TMEM132B: variants seen among roughly 807,000 people sequenced by gnomAD.
The protein encoded by TMEM132B is transmembrane protein 132B.
TMEM132B carries 18 observed loss-of-function variants against 90.8 expected under a neutral mutation model. The ratio of observed to expected loss-of-function variants is 0.20; its 90% CI spans 0.14 to 0.29. The LOEUF (loss-of-function observed/expected upper bound fraction) is 0.29. Among genes scored for constraint, TMEM132B ranks in the 10% least tolerant of loss-of-function variants. The probability of loss-of-function intolerance (pLI) is 1.00; values close to 1 mark genes in which losing one functional copy is unlikely to be tolerated. For synonymous variants in TMEM132B, 504 were observed against 523.3 expected (o/e 0.96, Z 0.50); for missense variants, 1,096 against 1,326.8 (o/e 0.83, Z 2.70).
chr12:125,191,109 G>GGAT (rs1555231034), intron 1 of TMEM132B, among the ~76,000 whole-genome samples: 2 of 50,484 alleles, frequency 4.0e-5, no homozygotes, highest in Admixed American at 4.6e-4. Context: ...GATGGGGAAG[G>GGAT]GGTGGTGGTG....
intron 2 of TMEM132B, among the ~76,000 whole-genome samples, chr12:125,373,187 G>T (rs1341890511): frequency 6.6e-6 from 1 of 152,178 alleles, no homozygotes; most frequent in Non-Finnish European, 1.5e-5. Flanking sequence ...ACTATATGTG[G>T]CATGTAGCTG....
intron 3 of TMEM132B, among the ~76,000 whole-genome samples, chr12:125,495,852 A>G (rs1245901502): frequency 6.6e-6 from 1 of 152,250 alleles, no homozygotes; most frequent in East Asian, 1.9e-4. Flanking sequence ...CTGGTAGGAC[A>G]TTGAGCATTC....
intron 1 of TMEM132B, among the ~76,000 whole-genome samples, chr12:125,280,740 A>G (rs186129692): frequency 2.0e-5 from 3 of 152,350 alleles, no homozygotes; most frequent in Admixed American, 2.0e-4. Flanking sequence ...GTGCGTCCTC[A>G]GGGCAGATAG....
intron 3 of TMEM132B, among the ~76,000 whole-genome samples, chr12:125,420,765 C>T (rs1880145542): frequency 1.3e-5 from 2 of 152,170 alleles, no homozygotes; most frequent in Admixed American, 6.5e-5. Flanking sequence ...TTCTGTTCAG[C>T]TTCCCTTTTA....
intron 1 of TMEM132B, among the ~76,000 whole-genome samples, chr12:125,268,859 T>C (rs545985864): frequency 3.9e-5 from 6 of 152,216 alleles, no homozygotes; most frequent in Non-Finnish European, 7.3e-5. Context: ...TTCCCAGGCA[T>C]CACACAGCAG....
chr12:125,330,062 C>T (rs568611276), intron 1 of TMEM132B, among the ~76,000 whole-genome samples: 3 of 152,220 alleles, frequency 2.0e-5, no homozygotes, highest in South Asian at 2.1e-4. Flanking sequence ...ATCTGTGTCA[C>T]GCTGGACTGA....
chr12:125,588,193 T>C (rs1885226268), intron 5 of TMEM132B: 1 of 152,254 alleles, frequency 6.6e-6, no homozygotes, highest in South Asian at 2.1e-4. Context: ...CCGTTTGACC[T>C]TGGGCAAATT....
At chr12:125,201,883 G>A (rs73410480) in intron 1 of TMEM132B, among the ~76,000 whole-genome samples, 3,411 of 152,298 alleles carry the variant, frequency 0.022, 123 homozygotes, top group African/African-American at 0.076. Flanking sequence ...CCTGGTGGTC[G>A]TCTCTGTGGT....
intron 4 of TMEM132B, among the ~76,000 whole-genome samples, chr12:125,526,068 C>G (rs1415711342): frequency 6.6e-6 from 1 of 152,208 alleles, no homozygotes; most frequent in Non-Finnish European, 1.5e-5. Flanking sequence ...TGCACACACT[C>G]TGGGATGGCA....
At chr12:125,264,678 A>G (rs956112934) in intron 1 of TMEM132B, among the ~76,000 whole-genome samples, 1 of 152,236 alleles carries the variant, frequency 6.6e-6, no homozygotes, top group Non-Finnish European at 1.5e-5. Context: ...CGTGGCAAGC[A>G]TGCAGTTCCC....
chr12:125,200,794 C>T (rs1410576940), intron 1 of TMEM132B, among the ~76,000 whole-genome samples: 13 of 152,196 alleles, frequency 8.5e-5, no homozygotes, highest in Non-Finnish European at 1.9e-4. Context: ...GAATCCAGAC[C>T]TCTTGCCCAA....
At chr12:125,427,436 T>A (rs749310132) in intron 3 of TMEM132B, among the ~76,000 whole-genome samples, 2 of 152,248 alleles carry the variant, frequency 1.3e-5, no homozygotes, top group African/African-American at 4.8e-5. Context: ...GACCTGGGAT[T>A]TGAACCCAGG....
chr12:125,214,565 A>G (rs1873392158), intron 1 of TMEM132B, among the ~76,000 whole-genome samples: 1 of 152,172 alleles, frequency 6.6e-6, no homozygotes, highest in African/African-American at 2.4e-5. Context: ...CTCTGGCTGG[A>G]CCACGTTATA....
At chr12:125,219,883 C>T (rs1386533058) in intron 1 of TMEM132B, among the ~76,000 whole-genome samples, 1 of 152,262 alleles carries the variant, frequency 6.6e-6, no homozygotes, top group Admixed American at 6.5e-5. Context: ...CAGCCTTCCC[C>T]TGACGGCCCC....
chr12:125,483,859 C>T (rs539132465), intron 3 of TMEM132B, among the ~76,000 whole-genome samples: 1 of 152,210 alleles, frequency 6.6e-6, no homozygotes, highest in East Asian at 1.9e-4. Flanking sequence ...ATATGATTGC[C>T]TTGTTTCCAG....
intron 3 of TMEM132B, among the ~76,000 whole-genome samples, chr12:125,484,233 A>G (rs766001429): frequency 2.4e-4 from 36 of 152,254 alleles, no homozygotes; most frequent in Non-Finnish European, 3.8e-4. Context: ...TATTATCTGC[A>G]TAATCTAATG....
At chr12:125,434,827 T>TGAAGTGGTGTGTTTCTTGCGC (rs1245387712) in intron 3 of TMEM132B, among the ~76,000 whole-genome samples, 2 of 144,416 alleles carry the variant, frequency 1.4e-5, no homozygotes, top group East Asian at 2.0e-4. Context: ...TGTAAACCCC[T>TGAAGTGGTGTGTTTCTTGCGC]GAAGTGGTGT....
At chr12:125,347,152 G>T (rs1877391492) in intron 1 of TMEM132B, among the ~76,000 whole-genome samples, 1 of 152,186 alleles carries the variant, frequency 6.6e-6, no homozygotes, top group South Asian at 2.1e-4. Flanking sequence ...CTGAATGTTA[G>T]CCGTGTCCTC....
intron 5 of TMEM132B, chr12:125,585,783 G>A (rs2136876254): frequency 6.6e-6 from 1 of 152,240 alleles, no homozygotes; most frequent in Non-Finnish European, 1.5e-5. Flanking sequence ...TTTTTGCTCA[G>A]CTGTCACCTA....
Sources: allele counts gnomAD v4.1 joint callset (sites outside exome capture counted in the v4.1 genomes callset), GRCh38; gene constraint gnomAD v4.1.1; transcripts MANE v1.5; gene names NCBI Gene and HGNC (gene_info 2026-07-23, HGNC 2026-07-21).